PDE4D: variants seen among roughly 807,000 people sequenced by gnomAD.
The protein encoded by PDE4D is 3',5'-cyclic-AMP phosphodiesterase 4D.
PDE4D carries 24 observed loss-of-function variants against 87.4 expected under a neutral mutation model. The observed-to-expected ratio is 0.27, with a 90% CI of 0.20 to 0.39. PDE4D has a LOEUF of 0.39. PDE4D is among the 10% of genes least tolerant of loss of function. PDE4D has a pLI of 1.00. For missense variants in PDE4D, 714 were observed against 1,041.0 expected, an observed-to-expected ratio of 0.69 and a Z score of 4.32; for synonymous variants, 384 against 383.2, an observed-to-expected ratio of 1.00 and a Z score of -0.02.
chr5:60,093,570 A>C (rs1775360373), intron 2 of PDE4D, among the ~76,000 whole-genome samples: 1 of 152,172 alleles, frequency 6.6e-6, no homozygotes, highest in Non-Finnish European at 1.5e-5. Flanking sequence ...CAAAGTGCTG[A>C]CTGTTGCCTT....
chr5:59,557,423 C>A (rs1583109106), intron 1 of PDE4D, among the ~76,000 whole-genome samples: 1 of 151,906 alleles, frequency 6.6e-6, no homozygotes, highest in African/African-American at 2.4e-5. Flanking sequence ...GATCTAGAAT[C>A]TTTATATGCC....
intron 1 of PDE4D, among the ~76,000 whole-genome samples, chr5:59,301,500 A>G (rs1213400851): frequency 6.6e-6 from 1 of 152,190 alleles, no homozygotes; most frequent in Non-Finnish European, 1.5e-5. Context: ...TAAGTGTCTG[A>G]AGCCGGTAAA....
chr5:60,376,737 T>C (rs771693788), intron 1 of PDE4D, among the ~76,000 whole-genome samples: 2 of 152,160 alleles, frequency 1.3e-5, no homozygotes, highest in Non-Finnish European at 2.9e-5. Flanking sequence ...ATAGCAAACA[T>C]TCTGCTCAAT....
chr5:59,546,246 A>C (rs537064362), intron 1 of PDE4D, among the ~76,000 whole-genome samples: 6 of 152,284 alleles, frequency 3.9e-5, no homozygotes, highest in African/African-American at 1.4e-4. Flanking sequence ...GATTATATTT[A>C]TCTTTACATA....
intron 1 of PDE4D, among the ~76,000 whole-genome samples, chr5:60,345,233 G>A (rs1458188535): frequency 5.9e-5 from 9 of 152,004 alleles, no homozygotes; most frequent in East Asian, 5.8e-4. Flanking sequence ...ACTCATAGGT[G>A]GGAATTGAAC....
intron 1 of PDE4D, among the ~76,000 whole-genome samples, chr5:59,498,340 A>C (rs1176982358): frequency 6.1e-4 from 92 of 151,230 alleles, no homozygotes; most frequent in Non-Finnish European, 7.2e-4. Flanking sequence ...TAACTTTTGC[A>C]TAGTCAAAAT....
chr5:60,055,704 T>C (rs1367698325), intron 2 of PDE4D, among the ~76,000 whole-genome samples: 1 of 152,076 alleles, frequency 6.6e-6, no homozygotes, highest in Non-Finnish European at 1.5e-5. Flanking sequence ...AAAAGTGAAG[T>C]TCAGTGACTC....
chr5:59,765,415 G>A (rs763797247), intron 1 of PDE4D, among the ~76,000 whole-genome samples: 1 of 152,226 alleles, frequency 6.6e-6, no homozygotes, highest in East Asian at 1.9e-4. Context: ...GGCATAGAGG[G>A]TAAATCAGAT....
At chr5:59,173,621 C>T (rs1318003175) in intron 5 of PDE4D, among the ~76,000 whole-genome samples, 1 of 152,186 alleles carries the variant, frequency 6.6e-6, no homozygotes, top group Non-Finnish European at 1.5e-5. Flanking sequence ...GTATCATCAG[C>T]ATTTTTCGAT....
chr5:60,416,889 GAAAT>G (rs1742643202), intron 1 of PDE4D, among the ~76,000 whole-genome samples: 1 of 152,188 alleles, frequency 6.6e-6, no homozygotes, highest in Non-Finnish European at 1.5e-5. Flanking sequence ...ATACGAACAA[GAAAT>G]AAATATGTAA....
chr5:60,255,283 C>G (rs533000408), intron 1 of PDE4D, among the ~76,000 whole-genome samples: 323 of 151,948 alleles, frequency 2.1e-3, no homozygotes, highest in Non-Finnish European at 3.7e-3. Context: ...TCCCTTTGTT[C>G]TTGGGCTATA....
chr5:59,147,526 T>A (rs922990541), intron 5 of PDE4D, among the ~76,000 whole-genome samples: 2 of 152,166 alleles, frequency 1.3e-5, no homozygotes, highest in African/African-American at 4.8e-5. Context: ...TGGGCAGTGG[T>A]GTGATTGAAT....
chr5:59,386,907 T>G (rs1787177047), intron 1 of PDE4D, among the ~76,000 whole-genome samples: 1 of 152,140 alleles, frequency 6.6e-6, no homozygotes, highest in Non-Finnish European at 1.5e-5. Context: ...GAATAAAACA[T>G]GTTAACTCTG....
chr5:59,476,347 C>T (rs1421999633), intron 1 of PDE4D, among the ~76,000 whole-genome samples: 1 of 152,070 alleles, frequency 6.6e-6, no homozygotes, highest in Non-Finnish European at 1.5e-5. Flanking sequence ...GATGTGTTCA[C>T]TTTGCAGGAA....
chr5:59,944,210 C>A (rs754615131), intron 3 of PDE4D, among the ~76,000 whole-genome samples: 1 of 152,162 alleles, frequency 6.6e-6, no homozygotes, highest in African/African-American at 2.4e-5. Flanking sequence ...AGATTCTGTA[C>A]CTGAGCTATT....
At chr5:60,515,000 T>A (rs1179129016) in intron 1 of PDE4D, among the ~76,000 whole-genome samples, 2 of 152,054 alleles carry the variant, frequency 1.3e-5, no homozygotes, top group Non-Finnish European at 2.9e-5. Flanking sequence ...GATAGAAAAA[T>A]CAACTGTATT....
intron 1 of PDE4D, among the ~76,000 whole-genome samples, chr5:60,305,680 A>G (rs1159919348): frequency 6.6e-6 from 1 of 150,594 alleles, no homozygotes; most frequent in Admixed American, 6.6e-5. Flanking sequence ...ATCCTGCAAG[A>G]TTCCAGGAAG....
In PDE4D at chr5:59,625,018, C is replaced by T. The variant is rs188792905; in HGVS notation, c.455+268150G>A. 3.3e-5 allele frequency among the ~76,000 whole-genome samples: 5 copies of T among 152,272 alleles called. No homozygotes were observed. In the East Asian group the frequency reaches 9.7e-4, roughly 29 times the overall value. The stretch of plus-strand genomic sequence containing the variant: ...TATTACCCTCAGCCCTGGTGTTACT[C>T]CACGGTTATATTACTTTACATGGAA... On this transcript the variant is annotated intron_variant, in intron 1 of 14. Coordinates refer to ENST00000340635, the MANE Select transcript of PDE4D (RefSeq NM_001104631.2).
chr5:60,252,084 T>G (rs1748538376), intron 1 of PDE4D, among the ~76,000 whole-genome samples: 1 of 151,968 alleles, frequency 6.6e-6, no homozygotes, highest in Non-Finnish European at 1.5e-5. Flanking sequence ...CAATAGAATA[T>G]ACCATATAAC....
Sources: gnomAD v4.1 joint callset for allele counts (sites outside exome capture counted in the v4.1 genomes callset) on GRCh38, gnomAD v4.1.1 for gene constraint, MANE v1.5 for transcripts, NCBI Gene and HGNC (gene_info 2026-07-23, HGNC 2026-07-21) for gene names.